Variants in FDFT1 observed in about 807,000 individuals in gnomAD.
FDFT1 encodes farnesyl-diphosphate farnesyltransferase 1.
FDFT1 carries 68 observed loss-of-function variants against 46.8 expected under a neutral mutation model. The observed-to-expected ratio is 1.45, with a 90% CI of 1.19 to 1.78. FDFT1 has a LOEUF of 1.78. Ranked by LOEUF, FDFT1 falls within the 40% of genes most tolerant of loss-of-function variation. The pLI, the probability that FDFT1 is intolerant of heterozygous loss-of-function variation, is 0.00. For missense variants in FDFT1, 928 were observed against 524.4 expected, an observed-to-expected ratio of 1.77 and a Z score of -7.52; for synonymous variants, 351 against 185.1, an observed-to-expected ratio of 1.90 and a Z score of -7.28.
chr8:11,818,919 C>T lies in FDFT1; in HGVS notation c.382-2831C>T, dbSNP rs546405245. Among the ~76,000 whole-genome samples the T allele has an allele frequency of 3.3e-5, 5 of 152,288 alleles. No homozygotes were observed. In the East Asian group the frequency reaches 9.6e-4, roughly 29 times the overall value. Reference sequence around the variant, plus strand: ...TATGATGTTTGCTGGTTATTTTGCCCATTAATTGATGCAGTTTCTTCCTAG... The same window carrying T: ...TATGATGTTTGCTGGTTATTTTGCCTATTAATTGATGCAGTTTCTTCCTAG... On this transcript the variant is annotated intron_variant, in intron 3 of 7. Coordinates refer to ENST00000220584, the MANE Select transcript of FDFT1 (RefSeq NM_004462.5).
chr8:11,804,600 C>CTTTTTTTTT (rs5889385), intron 1 of FDFT1, among the ~76,000 whole-genome samples: 7 of 97,352 alleles, frequency 7.2e-5, no homozygotes, highest in Non-Finnish European at 9.6e-5. Context: ...CTTAGTTTCT[C>CTTTTTTTTT]TTTTTTTTTT....
intron 3 of FDFT1, among the ~76,000 whole-genome samples, chr8:11,816,551 T>C (rs1808481840): frequency 6.6e-6 from 1 of 152,222 alleles, no homozygotes; most frequent in Admixed American, 6.5e-5. Context: ...CATTGAGCAG[T>C]GGTTTGTAGT....
rs1166650417 is a variant in FDFT1 at position 11,802,923 on chromosome 8, A to G, written c.91A>G (p.Met31Val). Reference protein sequence around the residue: ...IGGKRKVMPKMDQDSLSSSLK... With the variant: ...IGGKRKVMPKVDQDSLSSSLK... ...GGGCAAGCGGAAGGTGATGCCCAAG[A>G]TGGACCAGGTGGGCCGAGCCTCCCT... is the stretch of plus-strand genomic sequence containing the variant. The change falls in exon 1 of 8, where the codon ATG (methionine) becomes GTG (valine). Residue 31 changes from methionine (M) to valine (V), a missense_variant. Transcript: ENST00000220584. The G allele has an allele frequency of 4.4e-6, 7 of 1,608,028 alleles. No individual in the cohort carries two copies. In the East Asian group the frequency reaches 1.3e-4, roughly 31 times the overall value.
At chr8:11,816,853 C>T (rs1039785069) in intron 3 of FDFT1, among the ~76,000 whole-genome samples, 10 of 152,146 alleles carry the variant, frequency 6.6e-5, no homozygotes, top group Non-Finnish European at 1.3e-4. Flanking sequence ...ATTGAATACC[C>T]TTTATTTCTT....
rs1245314984 is a variant in FDFT1 at position 11,802,904 on chromosome 8, G to GC, written c.73dup (p.Arg25ProfsTer61). 6.2e-7 allele frequency: 1 copy of GC among 1,611,168 alleles called. No individual in the cohort carries two copies. The highest frequency in any genetic ancestry group is 8.5e-7 in the Non-Finnish European group (1 of 1,178,656). ...TGGTGCGCTTCCGGATCGGGGGCAA[G>GC]CGGAAGGTGATGCCCAAGATGGACC... On this transcript the variant is annotated frameshift_variant, in exon 1 of 8. Coordinates refer to ENST00000220584, the MANE Select transcript of FDFT1 (RefSeq NM_004462.5). LOFTEE classifies it high-confidence loss of function.
intron 3 of FDFT1, among the ~76,000 whole-genome samples, chr8:11,815,019 GC>G (rs1169161395): frequency 1.3e-5 from 2 of 151,924 alleles, no homozygotes; most frequent in Non-Finnish European, 2.9e-5. Context: ...CCCTCCCTTG[GC>G]CCCCCACCCC....
At chr8:11,807,286 G>T (rs1365770241) in intron 1 of FDFT1, among the ~76,000 whole-genome samples, 3 of 152,134 alleles carry the variant, frequency 2.0e-5, no homozygotes, top group Non-Finnish European at 4.4e-5. Context: ...TCAGTAGCTA[G>T]ACTATAGGTG....
Position 11,826,082 on chromosome 8 carries a change from C to T in FDFT1, c.569C>T (p.Ser190Leu). 6.2e-7 allele frequency: 1 copy of T among 1,608,848 alleles called. No homozygotes were observed. Residue 190 changes from serine (S) to leucine (L), a missense_variant, in exon 5 of 8, where the codon TCA becomes TTA. Physicochemically the swap from Ser to Leu is moderately radical, Grantham distance 145. Transcript: ENST00000220584. ...GIGLSRLFSA[S>L]EFEDPLVGED... Reference sequence around the variant, plus strand: ...GGCCTTTCCCGTCTTTTCTCAGCCTCAGAGTTTGAAGACCCCTTAGTTGGT... The same window carrying T: ...GGCCTTTCCCGTCTTTTCTCAGCCTTAGAGTTTGAAGACCCCTTAGTTGGT...
intron 4 of FDFT1, 108 bp downstream of exon 4, chr8:11,821,986 GT>G: frequency 1.5e-6 from 2 of 1,322,128 alleles, no homozygotes; most frequent in South Asian, 1.3e-5. Context: ...AGCCCCTCTG[GT>G]TTTACAATTC....
chr8:11,827,410 C>T (rs561107854), intron 5 of FDFT1, among the ~76,000 whole-genome samples: 51 of 151,710 alleles, frequency 3.4e-4, no homozygotes, highest in Non-Finnish European at 6.2e-4. Flanking sequence ...CCTAGGTATT[C>T]GGGAGGCTAA....
At chr8:11,800,669 G>A (rs1806024294), upstream of FDFT1, among the ~76,000 whole-genome samples, 1 of 152,258 alleles carries the variant, frequency 6.6e-6, no homozygotes, top group African/African-American at 2.4e-5. Flanking sequence ...AGGCTAAATT[G>A]TGAGAGCTAA....
intron 6 of FDFT1, 96 bp downstream of exon 6, chr8:11,830,516 C>T (rs948595578): frequency 3.4e-6 from 3 of 873,730 alleles, no homozygotes; most frequent in Non-Finnish European, 5.5e-6. Context: ...GGATATGATT[C>T]CTTAAAAAGA....
At chr8:11,802,583 G>A (rs1377029399), upstream of FDFT1, 4 of 626,298 alleles carry the variant, frequency 6.4e-6, no homozygotes, top group Non-Finnish European at 1.2e-5. Flanking sequence ...GATTGGCCGG[G>A]GTCTTCCTAG....
upstream of FDFT1, among the ~76,000 whole-genome samples, chr8:11,797,463 C>T (rs1805674246): frequency 6.6e-6 from 1 of 151,966 alleles, no homozygotes; most frequent in Non-Finnish European, 1.5e-5. Context: ...TTATCTTACT[C>T]ATCTTTGTTT....
At chr8:11,808,605 G>A in intron 1 of FDFT1, 189 bp from the exon 2 acceptor site, 1 of 1,391,098 alleles carries the variant, frequency 7.2e-7, no homozygotes, top group Non-Finnish European at 9.3e-7. Context: ...CAGGGGCCCG[G>A]GCGCAGGCAC....
At chr8:11,831,977 C>T (rs953471241) in intron 7 of FDFT1, among the ~76,000 whole-genome samples, 2 of 152,242 alleles carry the variant, frequency 1.3e-5, no homozygotes, top group Middle Eastern at 3.4e-3. Context: ...CTTCTTGTTG[C>T]TGGTGAGGAA....
chr8:11,799,712 C>T (rs1805910017), upstream of FDFT1, among the ~76,000 whole-genome samples: 1 of 151,690 alleles, frequency 6.6e-6, no homozygotes, highest in South Asian at 2.1e-4. Context: ...CCTGGGGAGG[C>T]TGAGGCGGGC....
chr8:11,829,641 C>T (rs1810495228), intron 5 of FDFT1, among the ~76,000 whole-genome samples: 1 of 152,100 alleles, frequency 6.6e-6, no homozygotes, highest in Non-Finnish European at 1.5e-5. Flanking sequence ...GCCTCTTTAG[C>T]CTGAATTCGT....
intron 4 of FDFT1, among the ~76,000 whole-genome samples, chr8:11,824,248 G>A (rs1042927901): frequency 2.0e-5 from 3 of 152,192 alleles, no homozygotes; most frequent in African/African-American, 7.2e-5. Context: ...TATTGTATGT[G>A]GATATTGCAT....
Sources: gnomAD v4.1 joint callset for allele counts (sites outside exome capture counted in the v4.1 genomes callset) on GRCh38, gnomAD v4.1.1 for gene constraint, MANE v1.5 for transcripts, NCBI Gene and HGNC (gene_info 2026-07-23, HGNC 2026-07-21) for gene names.